MLIP: variants seen among roughly 807,000 people sequenced by gnomAD.
MLIP encodes the protein muscular LMNA-interacting protein.
In MLIP, 79 loss-of-function variants were observed where a neutral mutation model predicts 84.8. The observed-to-expected ratio is 0.93, with a 90% CI of 0.78 to 1.12. The LOEUF (loss-of-function observed/expected upper bound fraction) is 1.12, where lower values mean the gene tolerates loss of function less well. MLIP is among the 50% of genes most tolerant of loss of function. The pLI is 0.00. For missense variants in MLIP, 1,257 were observed against 1,160.6 expected (o/e 1.08, Z -1.21); for synonymous variants, 504 against 463.0 (o/e 1.09, Z -1.14).
intron 11 of MLIP, among the ~76,000 whole-genome samples, chr6:54,206,123 TCTGA>T (rs1182449148): frequency 1.3e-5 from 2 of 152,212 alleles, no homozygotes; most frequent in Non-Finnish European, 2.9e-5. Flanking sequence ...TTTAGTTTAT[TCTGA>T]CTATTTATGA....
At chr6:54,022,017 T>C (rs1763524215) in intron 1 of MLIP, among the ~76,000 whole-genome samples, 1 of 152,246 alleles carries the variant, frequency 6.6e-6, no homozygotes, top group South Asian at 2.1e-4. Flanking sequence ...AGGAGGAAAG[T>C]ATTTTGTAAC....
intron 1 of MLIP, among the ~76,000 whole-genome samples, chr6:54,094,934 G>C (rs1015321448): frequency 6.6e-6 from 1 of 152,138 alleles, no homozygotes; most frequent in Non-Finnish European, 1.5e-5. Flanking sequence ...CTGGCTCAGG[G>C]AAATGAAGAA....
rs369148413 is a variant in MLIP at position 54,033,412 on chromosome 6, G to A, written c.63+14321G>A. Among the ~76,000 whole-genome samples, 54 of 152,074 alleles carry A rather than the reference G, an allele frequency of 3.6e-4. 1 individual carries two copies. The East Asian group carries it at 4.1e-3, about 11-fold the overall frequency. ...CTCCAGAGTAGCTGGGAATACAGGCGTGTGCCATCTTGCTTGGCTAATTTT... is the reference window on the plus strand; with the variant it reads ...CTCCAGAGTAGCTGGGAATACAGGCATGTGCCATCTTGCTTGGCTAATTTT... On this transcript the variant is annotated intron_variant, in intron 1 of 12. Transcript: ENST00000274897.
intron 3 of MLIP, among the ~76,000 whole-genome samples, chr6:54,126,297 GT>G (rs970878804): frequency 1.3e-5 from 2 of 151,876 alleles, no homozygotes; most frequent in Admixed American, 1.3e-4. Context: ...CCAACTGATA[GT>G]TTTTTCCCCT....
At chr6:54,160,314 C>T in intron 5 of MLIP, 53 bp from the exon 6 acceptor site, 1 of 1,413,924 alleles carries the variant, frequency 7.1e-7, no homozygotes, top group Non-Finnish European at 9.9e-7. Flanking sequence ...TACTTTTCTA[C>T]TCCAGTTGTA....
chr6:54,133,614 G>A (rs1331349051), intron 3 of MLIP, among the ~76,000 whole-genome samples: 2 of 152,124 alleles, frequency 1.3e-5, no homozygotes, highest in Admixed American at 6.6e-5. Flanking sequence ...AGGGAAAATT[G>A]AATATATATA....
intron 13 of MLIP, among the ~76,000 whole-genome samples, chr6:54,264,211 A>G (rs908643827): frequency 3.9e-5 from 6 of 152,062 alleles, no homozygotes; most frequent in African/African-American, 1.4e-4. Context: ...TTATAATAAA[A>G]TTTTATATTT....
At chr6:54,019,054 G>A (rs914135292) in exon 1 of MLIP, 4 of 1,611,432 alleles carry the variant, frequency 2.5e-6, no homozygotes, top group African/African-American at 1.3e-5. Flanking sequence ...CGTGAAAAAA[G>A]AAGCTTATTA....
In MLIP at chr6:54,077,756, T is replaced by C. The variant is rs1766891059; in HGVS notation, c.64-43691T>C. 2.0e-5 allele frequency among the ~76,000 whole-genome samples: 3 copies of C among 152,258 alleles called. No homozygotes were observed. The South Asian group carries it at 6.2e-4, about 32-fold the overall frequency. ...TGGTCTTGGCATACCACTTATAAAG[T>C]TTGCAAGCAAGCAAATTCTTTAAGA... On this transcript the variant is annotated intron_variant, in intron 1 of 12. Transcript: ENST00000274897.
intron 1 of MLIP, among the ~76,000 whole-genome samples, chr6:54,035,588 A>T (rs962001280): frequency 2.0e-5 from 3 of 152,046 alleles, no homozygotes; most frequent in Non-Finnish European, 4.4e-5. Flanking sequence ...CCTATCAGCA[A>T]TGTATGAGTG....
chr6:54,194,999 T>C (rs1181529163), intron 10 of MLIP, among the ~76,000 whole-genome samples: 1 of 152,108 alleles, frequency 6.6e-6, no homozygotes, highest in African/African-American at 2.4e-5. Flanking sequence ...TATAAATCTG[T>C]ATTATCTGAA....
intron 5 of MLIP, among the ~76,000 whole-genome samples, chr6:54,158,308 A>G (rs1444715184): frequency 6.6e-6 from 1 of 152,120 alleles, no homozygotes; most frequent in Non-Finnish European, 1.5e-5. Flanking sequence ...CTAAAAAGTT[A>G]TATAATACAT....
chr6:54,125,739 AG>A, intron 3 of MLIP, among the ~76,000 whole-genome samples: 1 of 152,280 alleles, frequency 6.6e-6, no homozygotes, highest in Non-Finnish European at 1.5e-5. Flanking sequence ...ATTGTTACCC[AG>A]ATGTCCCATT....
At chr6:54,121,068 T>A (rs1469164780) in intron 1 of MLIP, among the ~76,000 whole-genome samples, 1 of 152,168 alleles carries the variant, frequency 6.6e-6, no homozygotes, top group Non-Finnish European at 1.5e-5. Context: ...GTTAATAAAT[T>A]GAACCGGCTA....
At chr6:54,143,787 A>G (rs1772537104) in intron 4 of MLIP, among the ~76,000 whole-genome samples, 1 of 152,186 alleles carries the variant, frequency 6.6e-6, no homozygotes, top group African/African-American at 2.4e-5. Context: ...TCAATTAGAT[A>G]TTTCAAGTCA....
chr6:54,101,341 A>G (rs1314755829), intron 1 of MLIP, among the ~76,000 whole-genome samples: 2 of 152,106 alleles, frequency 1.3e-5, no homozygotes, highest in Non-Finnish European at 2.9e-5. Context: ...CTCTACCCTA[A>G]AAAGAAAGAG....
intron 1 of MLIP, among the ~76,000 whole-genome samples, chr6:54,039,123 G>A (rs1187774036): frequency 6.6e-6 from 1 of 151,694 alleles, no homozygotes; most frequent in African/African-American, 2.4e-5. Flanking sequence ...ACTAATGAAA[G>A]GTATGAGCAA....
At chr6:54,058,373 A>G (rs921119526) in intron 1 of MLIP, among the ~76,000 whole-genome samples, 10 of 152,204 alleles carry the variant, frequency 6.6e-5, no homozygotes, top group African/African-American at 2.4e-4. Context: ...GTTTACTGCC[A>G]AGGACTTGAG....
chr6:54,096,966 G>T (rs958730956), intron 1 of MLIP, among the ~76,000 whole-genome samples: 3 of 152,098 alleles, frequency 2.0e-5, no homozygotes, highest in Non-Finnish European at 4.4e-5. Flanking sequence ...GATAGTGGAG[G>T]GTGAGAAGAC....
Sources: gnomAD v4.1 joint callset for allele counts (sites outside exome capture counted in the v4.1 genomes callset) on GRCh38, gnomAD v4.1.1 for gene constraint, MANE v1.5 for transcripts, NCBI Gene and HGNC (gene_info 2026-07-23, HGNC 2026-07-21) for gene names.